The following MGMT variants were observed in gnomAD, a reference collection of about 807,000 sequenced individuals.
MGMT encodes the protein O-6-methylguanine-DNA methyltransferase.
Under a neutral mutation model 15.9 loss-of-function variants are expected in MGMT, and 14 were observed. The observed-to-expected ratio is 0.88, with a 90% confidence interval of 0.58 to 1.37. The LOEUF (loss-of-function observed/expected upper bound fraction) is 1.37, where lower values mean the gene tolerates loss of function less well. MGMT is among the 40% of genes most tolerant of loss of function. The probability of loss-of-function intolerance (pLI) is 0.00; values close to 1 mark genes in which losing one functional copy is unlikely to be tolerated. For missense variants in MGMT, 282 were observed against 268.1 expected (o/e 1.05, Z -0.36); for synonymous variants, 130 against 118.2 (o/e 1.10, Z -0.65).
At chr10:129,695,205 A>C (rs1848016498) in intron 2 of MGMT, among the ~76,000 whole-genome samples, 1 of 152,210 alleles carries the variant, frequency 6.6e-6, no homozygotes, top group Admixed American at 6.5e-5. Flanking sequence ...TAACCAGCTA[A>C]CTTGTTCCAG....
chr10:129,665,331 G>C (rs1414903113), intron 2 of MGMT, among the ~76,000 whole-genome samples: 1 of 148,436 alleles, frequency 6.7e-6, no homozygotes, highest in Non-Finnish European at 1.5e-5. Context: ...ACTCAGAAAA[G>C]TGGCTTTACT....
chr10:129,699,712 T>A (rs565547421), intron 2 of MGMT, among the ~76,000 whole-genome samples: 1 of 152,218 alleles, frequency 6.6e-6, no homozygotes, highest in Non-Finnish European at 1.5e-5. Context: ...TCTGCTGACT[T>A]GACAGCCAGA....
intron 1 of MGMT, among the ~76,000 whole-genome samples, chr10:129,500,550 C>T (rs781488155): frequency 1.7e-4 from 26 of 152,090 alleles, no homozygotes; most frequent in Non-Finnish European, 3.2e-4. Context: ...ATTAATATTT[C>T]GAATGTTAAC....
intron 3 of MGMT, among the ~76,000 whole-genome samples, chr10:129,737,440 T>C (rs1848576734): frequency 6.6e-6 from 1 of 152,174 alleles, no homozygotes; most frequent in Non-Finnish European, 1.5e-5. Context: ...TTGGTTACTC[T>C]AGTTATACAT....
Position 129,579,596 on chromosome 10 carries a change from C to T in MGMT, c.125+43219C>T, listed in dbSNP as rs546475614. The stretch of plus-strand genomic sequence containing the variant: ...TTGTCTTTATTTACCTTGGGCCTGG[C>T]GCTGTTATCTCAGCTGAGTGTCCGT... On this transcript the variant is annotated intron_variant, in intron 2 of 4. Transcript: ENST00000651593. Among the ~76,000 whole-genome samples the T allele has an allele frequency of 2.6e-5, 4 of 152,284 alleles. No individual in the cohort carries two copies. The East Asian group carries it at 5.8e-4, about 22-fold the overall frequency.
intron 1 of MGMT, among the ~76,000 whole-genome samples, chr10:129,493,912 G>A (rs1845494560): frequency 6.6e-6 from 1 of 152,204 alleles, no homozygotes; most frequent in African/African-American, 2.4e-5. Flanking sequence ...ATTTCCGCAT[G>A]TGGGATCATC....
rs573710488 is a variant in MGMT, at chr10:129,577,520, T to C, written c.125+41143T>C. On this transcript the variant is annotated intron_variant, in intron 2 of 4. Coordinates refer to ENST00000651593, the MANE Select transcript of MGMT (RefSeq NM_002412.5). ...GAAACTGGATCCCTTCCTTACACCT[T>C]ATACAAAAATTAATTCAAGATGGAT... Among the ~76,000 whole-genome samples, 653 of 152,264 alleles carry C rather than the reference T, an allele frequency of 4.3e-3. 4 individuals carry two copies. The highest frequency in any genetic ancestry group is 0.02 in the Middle Eastern group (6 of 294).
intron 2 of MGMT, among the ~76,000 whole-genome samples, chr10:129,619,323 G>A (rs923332936): frequency 1.3e-5 from 2 of 152,198 alleles, no homozygotes; most frequent in Middle Eastern, 3.4e-3. Context: ...TTTGAGAAAT[G>A]CATGCATACA....
At chr10:129,693,215 G>A (rs1385983744) in intron 2 of MGMT, among the ~76,000 whole-genome samples, 3 of 152,246 alleles carry the variant, frequency 2.0e-5, no homozygotes, top group Admixed American at 6.5e-5. Flanking sequence ...CCAGGCGTCA[G>A]TGGGGTCTGG....
At chr10:129,679,997 G>A (rs1210340139) in intron 2 of MGMT, among the ~76,000 whole-genome samples, 1 of 152,204 alleles carries the variant, frequency 6.6e-6, no homozygotes, top group South Asian at 2.1e-4. Flanking sequence ...TAGTTTAAGT[G>A]TAGAGGCTGG....
intron 3 of MGMT, among the ~76,000 whole-genome samples, chr10:129,721,768 G>T (rs1253246263): frequency 2.0e-5 from 3 of 151,494 alleles, no homozygotes; most frequent in African/African-American, 7.3e-5. Context: ...AGAATCTATA[G>T]CTCATGGGCC....
At chr10:129,739,840 T>C (rs757103994) in intron 3 of MGMT, among the ~76,000 whole-genome samples, 1 of 152,136 alleles carries the variant, frequency 6.6e-6, no homozygotes, top group African/African-American at 2.4e-5. Context: ...CCTAAGACAA[T>C]TCTTCCAGTA....
At chr10:129,718,412 G>A (rs1848324973) in intron 3 of MGMT, among the ~76,000 whole-genome samples, 1 of 152,044 alleles carries the variant, frequency 6.6e-6, no homozygotes, top group Non-Finnish European at 1.5e-5. Context: ...AGTGGTGGCT[G>A]CCCCCCACCC....
At chr10:129,504,620 A>C (rs556243072) in intron 1 of MGMT, among the ~76,000 whole-genome samples, 1 of 152,194 alleles carries the variant, frequency 6.6e-6, no homozygotes, top group Non-Finnish European at 1.5e-5. Flanking sequence ...AGTGCTTTCA[A>C]ATTCTCAATA....
At chr10:129,665,567 G>A (rs767195533) in intron 2 of MGMT, among the ~76,000 whole-genome samples, 2 of 152,070 alleles carry the variant, frequency 1.3e-5, no homozygotes, top group African/African-American at 4.8e-5. Flanking sequence ...ACTGTGGGAG[G>A]CAAAACCACT....
intron 1 of MGMT, among the ~76,000 whole-genome samples, chr10:129,491,462 T>G (rs1845468274): frequency 6.6e-6 from 1 of 152,228 alleles, no homozygotes; most frequent in Admixed American, 6.5e-5. Context: ...GCTGAACTTC[T>G]TGAATTTCTG....
At chr10:129,544,933 G>A (rs567450015) in intron 2 of MGMT, among the ~76,000 whole-genome samples, 4 of 152,272 alleles carry the variant, frequency 2.6e-5, no homozygotes, top group East Asian at 3.9e-4. Flanking sequence ...CAGAAGAGGC[G>A]GCGTGGCCAG....
chr10:129,680,333 T>G (rs1847835923), intron 2 of MGMT, among the ~76,000 whole-genome samples: 1 of 152,136 alleles, frequency 6.6e-6, no homozygotes, highest in Admixed American at 6.5e-5. Context: ...GGGGATCCCG[T>G]GCTAGATTGT....
At chr10:129,534,927 G>A (rs1845969311) in intron 1 of MGMT, among the ~76,000 whole-genome samples, 1 of 152,156 alleles carries the variant, frequency 6.6e-6, no homozygotes, top group African/African-American at 2.4e-5. Flanking sequence ...GGGCCACACT[G>A]CCTCTGTCAC....
Sources: gnomAD v4.1 joint callset for allele counts (sites outside exome capture counted in the v4.1 genomes callset) on GRCh38, gnomAD v4.1.1 for gene constraint, MANE v1.5 for transcripts, NCBI Gene and HGNC (gene_info 2026-07-23, HGNC 2026-07-21) for gene names.